Variants in ST6GAL2 observed in about 807,000 individuals in gnomAD.
The protein encoded by ST6GAL2 is ST6 beta-galactoside alpha-2,6-sialyltransferase 2.
ST6GAL2 carries 24 observed loss-of-function variants against 37.5 expected under a neutral mutation model. That is an observed-to-expected ratio of 0.64 (90% CI 0.46 to 0.90). ST6GAL2 has a LOEUF of 0.90. Among genes scored for constraint, ST6GAL2 ranks in the 40% least tolerant of loss-of-function variants. ST6GAL2 has a pLI of 0.00. For missense variants in ST6GAL2, 715 were observed against 712.7 expected (o/e 1.00, Z -0.04); for synonymous variants, 306 against 295.1 (o/e 1.04, Z -0.38).
upstream of ST6GAL2, chr2:106,886,530 C>G (rs892660121): frequency 6.6e-6 from 1 of 151,770 alleles, no homozygotes; most frequent in African/African-American, 2.4e-5. Flanking sequence ...TACGCTCAGC[C>G]CCGCGCTGCA....
chr2:106,818,381 T>C (rs923666167), intron 5 of ST6GAL2, among the ~76,000 whole-genome samples: 1 of 152,128 alleles, frequency 6.6e-6, no homozygotes, highest in African/African-American at 2.4e-5. Flanking sequence ...AGGGAAAGAC[T>C]CTGTTTGTTT....
intron 5 of ST6GAL2, chr2:106,822,921 C>G (rs576714519): frequency 1.6e-4 from 24 of 152,078 alleles, no homozygotes; most frequent in African/African-American, 5.8e-4. Flanking sequence ...TGTAATTGTT[C>G]GCATGTTTTA....
intron 5 of ST6GAL2, among the ~76,000 whole-genome samples, chr2:106,829,033 C>T (rs1307064904): frequency 6.6e-6 from 1 of 152,150 alleles, no homozygotes; most frequent in Non-Finnish European, 1.5e-5. Context: ...GGTACTGGAA[C>T]TAGTCTCATC....
At chr2:106,809,498 A>G (rs1383447525) in intron 5 of ST6GAL2, among the ~76,000 whole-genome samples, 2 of 152,164 alleles carry the variant, frequency 1.3e-5, no homozygotes, top group East Asian at 3.9e-4. Context: ...CTTAAACTGG[A>G]TGGTTTTCAA....
At chr2:106,875,656 A>G (rs1352412163) in intron 1 of ST6GAL2, among the ~76,000 whole-genome samples, 2 of 152,236 alleles carry the variant, frequency 1.3e-5, no homozygotes, top group African/African-American at 2.4e-5. Flanking sequence ...GAATTTCTGT[A>G]TAAGAACAAA....
At chr2:106,846,634 T>A (rs1426920717) in intron 1 of ST6GAL2, among the ~76,000 whole-genome samples, 3 of 152,238 alleles carry the variant, frequency 2.0e-5, no homozygotes, top group Non-Finnish European at 4.4e-5. Context: ...TTCGCTTACA[T>A]GTATAAATTG....
intron 5 of ST6GAL2, chr2:106,813,232 A>G: frequency 7.5e-7 from 1 of 1,335,996 alleles, no homozygotes; most frequent in Non-Finnish European, 9.6e-7. Flanking sequence ...AGCCTATATG[A>G]GGGATTCATT....
chr2:106,807,402 A>G (rs1675452392), intron 5 of ST6GAL2, among the ~76,000 whole-genome samples: 2 of 152,206 alleles, frequency 1.3e-5, no homozygotes, highest in African/African-American at 4.8e-5. Context: ...CTTGATTATA[A>G]ATTGACTATA....
rs1231171935 is a variant in ST6GAL2 at position 106,806,531 on chromosome 2, A to G, written c.*147T>C. The stretch of plus-strand genomic sequence containing the variant: ...AGCAGTAATACATACTCAATGGCTT[A>G]GAAAGAGAAGGATTATCATGACCAC... On this transcript the variant is annotated 3_prime_UTR_variant, in exon 6 of 6. Transcript: ENST00000409382. The G allele has an allele frequency of 2.2e-6, 2 of 911,324 alleles. No individual in the cohort carries two copies. Among genetic ancestry groups the G allele is most frequent in the Non-Finnish European group, 3.3e-6 (2 of 604,742 alleles). The allele number at this position is 911,324 out of a possible 1,614,324, so 56.5% of individuals were successfully genotyped here. A position where few individuals can be genotyped will look rare whatever the true frequency, so the allele number is the denominator to read the frequency against.
intron 5 of ST6GAL2, among the ~76,000 whole-genome samples, chr2:106,816,718 C>G (rs537212948): frequency 2.6e-5 from 4 of 152,148 alleles, no homozygotes; most frequent in Non-Finnish European, 5.9e-5. Context: ...GCAGGAACAC[C>G]AAAGTCAACA....
intron 2 of ST6GAL2, 95 bp downstream of exon 2, chr2:106,842,940 C>T (rs993389432): frequency 1.9e-5 from 18 of 932,430 alleles, no homozygotes; most frequent in Non-Finnish European, 2.5e-5. Flanking sequence ...CCCAGCTTGC[C>T]CCGTCAGAGA....
intron 4 of ST6GAL2, among the ~76,000 whole-genome samples, chr2:106,831,058 C>T (rs1026474272): frequency 7.9e-5 from 12 of 152,214 alleles, no homozygotes; most frequent in African/African-American, 2.9e-4. Flanking sequence ...ACTCATCAAA[C>T]TCCCTTTAAA....
At chr2:106,854,244 C>T (rs1677483445) in intron 1 of ST6GAL2, among the ~76,000 whole-genome samples, 1 of 152,264 alleles carries the variant, frequency 6.6e-6, no homozygotes, top group South Asian at 2.1e-4. Context: ...AGGCCATGCA[C>T]GGTTGACCAG....
In ST6GAL2 at chr2:106,830,177, T is replaced by A; in HGVS notation, c.1207A>T (p.Asn403Tyr). 6.2e-7 allele frequency: 1 copy of A among 1,613,970 alleles called. No homozygotes were observed. The highest frequency in any genetic ancestry group is 8.5e-7 in the Non-Finnish European group (1 of 1,180,014). The part of the protein sequence containing the change: ...PYIQHRQRNP[N>Y]QPFYILHPKF... ...GGATGAAGAATGTAAAATGGCTGAT[T>A]TGGGTTTCTCTGACGATGCTGAATA... Residue 403 changes from asparagine to tyrosine, a missense_variant, in exon 5 of 6, where the codon AAT becomes TAT. Asn to Tyr is a moderately radical substitution (Grantham distance 143). Coordinates refer to ENST00000409382, the MANE Select transcript of ST6GAL2 (RefSeq NM_001142351.2).
intron 4 of ST6GAL2, among the ~76,000 whole-genome samples, chr2:106,831,935 G>A (rs1176666284): frequency 1.3e-5 from 2 of 152,182 alleles, no homozygotes; most frequent in African/African-American, 2.4e-5. Context: ...AAGCATGCTG[G>A]CTTTTCATGA....
Position 106,843,520 on chromosome 2 carries a change from G to C in ST6GAL2, c.458C>G (p.Pro153Arg), listed in dbSNP as rs746454620. The C allele has an allele frequency of 5.6e-6, 9 of 1,613,928 alleles. No individual in the cohort carries two copies. Among genetic ancestry groups the C allele is most frequent in the Non-Finnish European group, 7.6e-6 (9 of 1,180,038 alleles). Reference protein sequence around the residue: ...HTQGTLGFPSPGEPGPREGAF... With the variant: ...HTQGTLGFPSRGEPGPREGAF... ...CCCCTCCCGTGGGCCTGGCTCCCCGGGGGAAGGGAATCCCAATGTCCCCTG... is the reference window on the plus strand; with the variant it reads ...CCCCTCCCGTGGGCCTGGCTCCCCGCGGGAAGGGAATCCCAATGTCCCCTG... Residue 153 changes from proline (P) to arginine (R), a missense_variant, in exon 2 of 6, where the codon CCC becomes CGC. Pro to Arg is a moderately radical substitution (Grantham distance 103, BLOSUM62 -2). This residue lies in a region of ST6GAL2 where 512 missense variants were observed against 488.8 expected (regional missense o/e 1.05). Transcript: ENST00000409382.
chr2:106,840,627 A>G (rs1344579716), intron 2 of ST6GAL2, among the ~76,000 whole-genome samples: 2 of 152,256 alleles, frequency 1.3e-5, no homozygotes, highest in Non-Finnish European at 2.9e-5. Context: ...ATGCAAGTGC[A>G]TGCCAAATAA....
At chr2:106,832,787 T>C in intron 3 of ST6GAL2, 121 bp from the exon 4 acceptor site, 1 of 716,970 alleles carries the variant, frequency 1.4e-6, no homozygotes, top group Non-Finnish European at 2.5e-6. Flanking sequence ...GACGTTGTAT[T>C]TTCTTCTGGG....
chr2:106,820,929 A>AC (rs1288760301), intron 5 of ST6GAL2, among the ~76,000 whole-genome samples: 2 of 152,088 alleles, frequency 1.3e-5, no homozygotes, highest in Non-Finnish European at 2.9e-5. Flanking sequence ...TAGAAAAAAA[A>AC]TTTAAAAGTT....
Sources: gnomAD v4.1 joint callset for allele counts (sites outside exome capture counted in the v4.1 genomes callset) on GRCh38, gnomAD v4.1.1 for gene constraint, gnomAD v4.1.1 regional missense constraint, MANE v1.5 for transcripts, NCBI Gene and HGNC (gene_info 2026-07-23, HGNC 2026-07-21) for gene names.